Variants in ABCD3 observed in about 807,000 individuals in gnomAD.
The protein encoded by ABCD3 is ATP-binding cassette sub-family D member 3.
A neutral mutation model predicts 105.5 loss-of-function variants in ABCD3; 41 were observed. The observed-to-expected ratio is 0.39, with a 90% CI of 0.30 to 0.50. The LOEUF (loss-of-function observed/expected upper bound fraction) is 0.50, where lower values mean the gene tolerates loss of function less well. Ranked by LOEUF, ABCD3 falls within the 20% of genes least tolerant of loss-of-function variation. ABCD3 has a pLI of 0.84. For missense variants in ABCD3, 622 were observed against 806.3 expected (o/e 0.77, Z 2.77); for synonymous variants, 258 against 269.0 (o/e 0.96, Z 0.40).
intron 3 of ABCD3, among the ~76,000 whole-genome samples, chr1:94,465,998 C>T (rs1413713172): frequency 6.6e-6 from 1 of 151,868 alleles, no homozygotes; most frequent in African/African-American, 2.4e-5. Flanking sequence ...CTTCATCATG[C>T]TGGATTTGCT....
intron 21 of ABCD3, chr1:94,514,643 A>T (rs919817733): frequency 6.5e-6 from 1 of 154,702 alleles, no homozygotes; most frequent in African/African-American, 2.4e-5. Context: ...AGAAACATTT[A>T]TGTGTTTAAT....
the ABCD3 span, among the ~76,000 whole-genome samples, chr1:94,410,042 C>T: frequency 6.6e-6 from 1 of 152,176 alleles, no homozygotes; most frequent in Non-Finnish European, 1.5e-5. Context: ...CACTGAGTTG[C>T]TGAATAGGGC....
intron 8 of ABCD3, 43 bp downstream of exon 8, chr1:94,478,358 A>G (rs756162766): frequency 1.4e-6 from 2 of 1,429,078 alleles, no homozygotes; most frequent in Non-Finnish European, 9.8e-7. Context: ...ATATAATATA[A>G]TATTTGAAAT....
chr1:94,505,330 G>C (rs1217827145), intron 20 of ABCD3, among the ~76,000 whole-genome samples: 1 of 150,854 alleles, frequency 6.6e-6, no homozygotes, highest in African/African-American at 2.4e-5. Flanking sequence ...TTAGCCTCCT[G>C]AGTAGTTGGA....
intron 21 of ABCD3, among the ~76,000 whole-genome samples, chr1:94,512,096 C>T (rs940773198): frequency 7.9e-5 from 12 of 152,002 alleles, no homozygotes; most frequent in East Asian, 1.9e-4. Flanking sequence ...AGTTTTTCTG[C>T]TCTGTTTTTT....
At chr1:94,421,562 A>ATGTG (rs3073023) in intron 1 of ABCD3, among the ~76,000 whole-genome samples, 11,698 of 148,926 alleles carry the variant, frequency 0.079, 500 homozygotes, top group East Asian at 0.19. Context: ...GAGCTATAAG[A>ATGTG]TGTGTGTGTG....
chr1:94,407,977 T>TA, the ABCD3 span, among the ~76,000 whole-genome samples: 3 of 152,260 alleles, frequency 2.0e-5, no homozygotes, highest in Non-Finnish European at 4.4e-5. Context: ...GTTTTCCTGA[T>TA]ACAACGGCAG....
At chr1:94,438,307 C>T (rs796615855) in intron 1 of ABCD3, among the ~76,000 whole-genome samples, 9 of 98,498 alleles carry the variant, frequency 9.1e-5, no homozygotes, top group East Asian at 3.2e-4. Flanking sequence ...CACATACACA[C>T]ACACACACAC....
At chr1:94,443,244 T>G (rs1660196746) in intron 1 of ABCD3, among the ~76,000 whole-genome samples, 1 of 152,242 alleles carries the variant, frequency 6.6e-6, no homozygotes, top group Non-Finnish European at 1.5e-5. Flanking sequence ...TTCATGTTTT[T>G]GGCCCCTTTG....
At position 94,506,589 on chromosome 1, in the gene ABCD3, A is replaced by G; in HGVS notation, c.1792A>G (p.Thr598Ala). Residue 598 changes from threonine to alanine, a missense_variant, in exon 21 of 23, where the codon ACA (threonine) becomes GCA (alanine). Physicochemically the swap from Thr to Ala is moderately conservative, Grantham distance 58 (BLOSUM62 0). Transcript: ENST00000370214. ...KPQFAILDEC[T>A]SAVSVDVEGY... is the part of the protein sequence containing the mutation. Reference sequence around the variant, plus strand: ...CCAGTTTGCCATTTTGGATGAATGCACAAGTGCAGTTAGTGTCGACGTGGA... The same window carrying G: ...CCAGTTTGCCATTTTGGATGAATGCGCAAGTGCAGTTAGTGTCGACGTGGA... 6.2e-7 allele frequency: 1 copy of G among 1,613,166 alleles called. No individual in the cohort carries two copies. Among genetic ancestry groups the G allele is most frequent in the Non-Finnish European group, 8.5e-7 (1 of 1,179,372 alleles).
At chr1:94,486,515 C>A (rs533732203) in intron 10 of ABCD3, among the ~76,000 whole-genome samples, 6 of 152,202 alleles carry the variant, frequency 3.9e-5, no homozygotes, top group African/African-American at 1.4e-4. Context: ...CAGAAGATAC[C>A]AAGTTGTTAA....
the ABCD3 span, among the ~76,000 whole-genome samples, chr1:94,409,166 G>A: frequency 8.5e-5 from 13 of 152,146 alleles, no homozygotes; most frequent in African/African-American, 2.2e-4. Context: ...GCACAACAGC[G>A]TGATTATAGT....
intron 2 of ABCD3, among the ~76,000 whole-genome samples, chr1:94,462,242 CT>C (rs1242561610): frequency 6.6e-6 from 1 of 151,838 alleles, no homozygotes; most frequent in Non-Finnish European, 1.5e-5. Context: ...GAAAAGTGGT[CT>C]TTTTTTGTAT....
At chr1:94,490,650 T>G (rs1410672685) in intron 15 of ABCD3, among the ~76,000 whole-genome samples, 1 of 152,040 alleles carries the variant, frequency 6.6e-6, no homozygotes, top group Non-Finnish European at 1.5e-5. Context: ...CACACTATAT[T>G]TTCTTTATCC....
In ABCD3 at chr1:94,474,471, A is replaced by C. The variant is rs550713988; in HGVS notation, c.405+636A>C. On this transcript the variant is annotated intron_variant, in intron 5 of 22. Transcript: ENST00000370214. Reference sequence around the variant, plus strand: ...TAATATTCTGAATTTGTGGGTAAAAATGAGAAGCTTGGTTGTAAAATCCAG... The same window carrying C: ...TAATATTCTGAATTTGTGGGTAAAACTGAGAAGCTTGGTTGTAAAATCCAG... Among the ~76,000 whole-genome samples the C allele has an allele frequency of 7.5e-4, 114 of 152,150 alleles. 1 individual carries two copies. The highest frequency in any genetic ancestry group is 1.4e-3 in the Non-Finnish European group (95 of 68,020).
chr1:94,431,655 G>A lies in ABCD3; in HGVS notation c.110+13067G>A, dbSNP rs148295826. Reference sequence around the variant, plus strand: ...GGCTCACTGCAGCCTTGACTTCCTGGGCTCAATTGATCCTCCCACCTCAGC... The same window carrying A: ...GGCTCACTGCAGCCTTGACTTCCTGAGCTCAATTGATCCTCCCACCTCAGC... On this transcript the variant is annotated intron_variant, in intron 1 of 22. Coordinates refer to ENST00000370214, the MANE Select transcript of ABCD3 (RefSeq NM_002858.4). Among the ~76,000 whole-genome samples, 876 of 152,162 alleles carry A rather than the reference G, an allele frequency of 5.8e-3. 13 individuals are homozygous for A. Among genetic ancestry groups the A allele is most frequent in the African/African-American group, 0.02 (840 of 41,508 alleles).
chr1:94,407,154 T>C, the ABCD3 span, among the ~76,000 whole-genome samples: 6 of 152,150 alleles, frequency 3.9e-5, no homozygotes, highest in Non-Finnish European at 7.4e-5. Context: ...CCTTTTGTTT[T>C]TGTTTTTGTT....
At chr1:94,391,369 G>A in the ABCD3 span, among the ~76,000 whole-genome samples, 1 of 152,112 alleles carries the variant, frequency 6.6e-6, no homozygotes, top group African/African-American at 2.4e-5. Context: ...TGTCGCCCTC[G>A]TCAGAATGCC....
At chr1:94,478,885 T>C (rs1465976074) in intron 8 of ABCD3, among the ~76,000 whole-genome samples, 1 of 152,208 alleles carries the variant, frequency 6.6e-6, no homozygotes, top group East Asian at 1.9e-4. Flanking sequence ...ATGAGCCTTA[T>C]TATCCAAGTC....
Sources: allele counts gnomAD v4.1 joint callset (sites outside exome capture counted in the v4.1 genomes callset), GRCh38; gene constraint gnomAD v4.1.1; transcripts MANE v1.5; gene names NCBI Gene and HGNC (gene_info 2026-07-23, HGNC 2026-07-21).